The following MYO15A variants were observed in gnomAD, a reference collection of about 807,000 sequenced individuals.
MYO15A encodes unconventional myosin-XV.
Under a neutral mutation model 394.6 loss-of-function variants are expected in MYO15A, and 308 were observed. The ratio of observed to expected loss-of-function variants is 0.78; its 90% confidence interval spans 0.71 to 0.86. The LOEUF (loss-of-function observed/expected upper bound fraction) is 0.86, where lower values mean the gene tolerates loss of function less well. Ranked by LOEUF, MYO15A falls within the 40% of genes least tolerant of loss-of-function variation. MYO15A has a pLI of 0.00. For synonymous variants in MYO15A, 1,957 were observed against 2,003.8 expected (o/e 0.98, Z 0.62); for missense variants, 4,606 against 4,799.1 (o/e 0.96, Z 1.19).
rs746571342 is a variant in MYO15A, at chr17:18,115,283, TC to T, written c.-219-3297del. On this transcript the variant is annotated intron_variant, in intron 1 of 65. Coordinates refer to ENST00000647165, the MANE Select transcript of MYO15A (RefSeq NM_016239.4). ...CTGGCCTCCCTGCCTTCACCCTCAC[TC>T]CTGCAGCCGCTTCTCCCATAGCAGT... Among the ~76,000 whole-genome samples, 16 of 152,090 alleles carry T rather than the reference TC, an allele frequency of 1.1e-4. 1 individual carries two copies. Among genetic ancestry groups the T allele is most frequent in the African/African-American group, 3.9e-4 (16 of 41,388 alleles).
intron 15 of MYO15A, 106 bp downstream of exon 15, chr17:18,136,792 GC>G: frequency 6.8e-7 from 1 of 1,461,088 alleles, no homozygotes; most frequent in Non-Finnish European, 9.2e-7. Flanking sequence ...TGCAGCAGGT[GC>G]CATCCTCCCT....
At chr17:18,154,882 C>G (rs1597807333) in intron 45 of MYO15A, 127 bp downstream of exon 45, 1 of 1,146,968 alleles carries the variant, frequency 8.7e-7, no homozygotes, top group South Asian at 1.3e-5. Context: ...CCTCCTTGCT[C>G]TGCTTCTCTG....
In MYO15A at chr17:18,179,075, G is replaced by A. The variant is rs925815220; in HGVS notation, c.*205G>A. On this transcript the variant is annotated 3_prime_UTR_variant, in exon 66 of 66. Coordinates refer to ENST00000647165, the MANE Select transcript of MYO15A (RefSeq NM_016239.4). ...GGATGGAATGGCAGCATGCAAACTT[G>A]GATCAGATAGCAGGAGGAACTTTCA... 8 of 628,920 alleles carry A rather than the reference G, an allele frequency of 1.3e-5. No individual in the cohort carries two copies. Among genetic ancestry groups the A allele is most frequent in the Admixed American group, 1.0e-4 (4 of 39,850 alleles). 39.0% of individuals were successfully genotyped at this position (628,920 alleles called of 1,614,324 possible). A position where few individuals can be genotyped will look rare whatever the true frequency, so the allele number is the denominator to read the frequency against.
intron 29 of MYO15A, 68 bp downstream of exon 29, chr17:18,144,660 C>A: frequency 6.8e-7 from 1 of 1,468,418 alleles, no homozygotes; most frequent in South Asian, 1.1e-5. Flanking sequence ...CCATGAGGCT[C>A]CCAGTCTTCC....
At chr17:18,166,312 G>A (rs1247346855) in intron 60 of MYO15A, 49 bp from the exon 61 acceptor site, 2 of 1,595,714 alleles carry the variant, frequency 1.3e-6, no homozygotes, top group Non-Finnish European at 1.7e-6. Context: ...GTGCACACAT[G>A]TGTGTGCACA....
rs2142376390 is a variant in MYO15A, at chr17:18,153,773, A to T, written c.7967-2A>T. The T allele has an allele frequency of 6.2e-7, 1 of 1,613,536 alleles. No homozygotes were observed. Among genetic ancestry groups the T allele is most frequent in the Non-Finnish European group, 8.5e-7 (1 of 1,179,984 alleles). ...TGACTCCCTGATCCCCGCGCTCTCC[A>T]GCTCTGCCCTCGCGATCGCTGGAGC... is the stretch of plus-strand genomic sequence containing the variant. On this transcript the variant is annotated splice_acceptor_variant, in intron 42 of 65. Coordinates refer to ENST00000647165, the MANE Select transcript of MYO15A (RefSeq NM_016239.4). LOFTEE classifies it high-confidence loss of function. The surrounding 1 kb of genome is among the most constrained non-coding windows in gnomAD (Gnocchi z 4.1).
chr17:18,122,650 C>G, intron 2 of MYO15A: 1 of 588,056 alleles, frequency 1.7e-6, no homozygotes, highest in Non-Finnish European at 2.9e-6. Context: ...TTCCAGGTCA[C>G]TCTGGGGAAG....
At chr17:18,122,856 A>T (rs190113920) in intron 2 of MYO15A, 1 of 167,270 alleles carries the variant, frequency 6.0e-6, no homozygotes, top group African/African-American at 2.4e-5. Flanking sequence ...CCCTCCCCCA[A>T]ATTAAAGCCT....
rs374165077 is a variant in MYO15A at position 18,138,955 on chromosome 17, G to T, written c.5133+19G>T. The T allele has an allele frequency of 3.7e-6, 6 of 1,608,294 alleles. No individual in the cohort carries two copies. Among genetic ancestry groups the T allele is most frequent in the Non-Finnish European group, 5.1e-6 (6 of 1,177,210 alleles). On this transcript the variant is annotated intron_variant, in intron 18 of 65. Transcript: ENST00000647165. The stretch of plus-strand genomic sequence containing the variant: ...CTACCAGGTGAGCCCTAAGACAGTC[G>T]GCCTGGACGCTGGTGCTGCAGTGCT...
chr17:18,164,061 C>G, intron 60 of MYO15A: 1 of 585,458 alleles, frequency 1.7e-6, no homozygotes, highest in Non-Finnish European at 3.1e-6. Context: ...GATGAGAGCC[C>G]TCTCTCATCC....
At chr17:18,133,507 T>A in intron 12 of MYO15A, 121 bp downstream of exon 12, 1 of 1,353,078 alleles carries the variant, frequency 7.4e-7, no homozygotes, top group Non-Finnish European at 9.9e-7. Flanking sequence ...TCCTGTTTTT[T>A]TCTTTTTTCC....
Position 18,125,446 on chromosome 17 carries a change from G to T in MYO15A, c.3756+215G>T, listed in dbSNP as rs957926643. 1.2e-5 allele frequency: 7 copies of T among 572,114 alleles called. No homozygotes were observed. In the Admixed American group the frequency reaches 1.4e-4, roughly 12 times the overall value. The allele number at this position is 572,114 out of a possible 1,614,324, so 35.4% of individuals were successfully genotyped here. On this transcript the variant is annotated intron_variant, in intron 4 of 65. Transcript: ENST00000647165. ...CACAGTGGCTCACCCTGTAATCCCA[G>T]CACTTTGGGAGACCGAGGCAGGTGG...
chr17:18,172,418 C>CT (rs775654987), intron 64 of MYO15A, 128 bp downstream of exon 64: 2 of 1,360,214 alleles, frequency 1.5e-6, no homozygotes, highest in Non-Finnish European at 2.1e-6. Context: ...TGATCTCAGG[C>CT]AAGTCTCTTC....
At chr17:18,158,873 T>C in intron 52 of MYO15A, 52 bp from the exon 53 acceptor site, 1 of 1,602,516 alleles carries the variant, frequency 6.2e-7, no homozygotes, top group Non-Finnish European at 8.6e-7. Flanking sequence ...TGGAAAAGGA[T>C]GTAGCCAAGG....
rs2045807427 is a variant in MYO15A, at chr17:18,117,529, C to G, written c.-219-1053C>G. ...GGGACCAAAAGAGTGAACCAGAGTT[C>G]AGTGAGTTGAGGTCCATCTTGAGGA... On this transcript the variant is annotated intron_variant, in intron 1 of 65. Coordinates refer to ENST00000647165, the MANE Select transcript of MYO15A (RefSeq NM_016239.4). This position sits in a 1 kb window ranked among gnomAD's most constrained non-coding sequence, Gnocchi z 4.1. Among the ~76,000 whole-genome samples the G allele has an allele frequency of 1.3e-5, 2 of 152,204 alleles. No individual in the cohort carries two copies. The highest frequency in any genetic ancestry group is 4.1e-4 in the South Asian group (2 of 4,832).
chr17:18,120,969 G>T lies in MYO15A; in HGVS notation c.2169G>T (p.Glu723Asp). Residue 723 changes from glutamate to aspartate, a missense_variant, in exon 2 of 66, where the codon GAG (glutamate) becomes GAT (aspartate). Transcript: ENST00000647165. ...AGGCCAGCTGGTGGGCCTTCGTGGA[G>T]CCCCCTGCCGTGAGCCCGGAGGTGC... ...APQASWWAFV[E>D]PPAVSPEVPP... is the part of the protein sequence containing the mutation. 1 of 1,487,686 alleles carries T rather than the reference G, an allele frequency of 6.7e-7. No homozygotes were observed. 92.2% of individuals were successfully genotyped at this position (1,487,686 alleles called of 1,614,324 possible).
At chr17:18,168,340 C>T (rs991047922) in intron 62 of MYO15A, among the ~76,000 whole-genome samples, 5 of 151,772 alleles carry the variant, frequency 3.3e-5, no homozygotes, top group Admixed American at 2.0e-4. Context: ...CCAAGGCGAG[C>T]GGATCATGAG....
chr17:18,124,496 G>C lies in MYO15A; in HGVS notation c.3623G>C (p.Arg1208Pro). The C allele has an allele frequency of 6.2e-7, 1 of 1,612,168 alleles. No homozygotes were observed. The highest frequency in any genetic ancestry group is 8.5e-7 in the Non-Finnish European group (1 of 1,179,958). Reference protein sequence around the residue: ...PSWRNKMHSIRNLPSMRFREQ... With the variant: ...PSWRNKMHSIPNLPSMRFREQ... ...TCTCTCACACAGATGCACTCCATCC[G>C]CAACCTGCCATCCATGCGGTTCCGT... Residue 1208 changes from arginine to proline, a missense_variant, in exon 3 of 66, where the codon CGC becomes CCC. By Grantham distance (103) the Arg-to-Pro change is moderately radical (BLOSUM62 -2). Around this residue, in one of 2 missense-constraint regions of MYO15A, gnomAD observed 2,776 missense variants for 3,109.3 expected, o/e 0.89. Transcript: ENST00000647165.
chr17:18,142,358 A>G, intron 24 of MYO15A, 104 bp downstream of exon 24: 1 of 1,357,620 alleles, frequency 7.4e-7, no homozygotes, highest in Non-Finnish European at 1.0e-6. Context: ...GAGGCATGCA[A>G]GCTGAGGGTG....
Sources: allele counts gnomAD v4.1 joint callset (sites outside exome capture counted in the v4.1 genomes callset), GRCh38; gene constraint gnomAD v4.1.1; regional missense constraint gnomAD v4.1.1; non-coding constraint Gnocchi (gnomAD v3.1); transcripts MANE v1.5; gene names NCBI Gene and HGNC (gene_info 2026-07-23, HGNC 2026-07-21).